The following PTPRM variants were observed in gnomAD, a reference collection of about 807,000 sequenced individuals.
PTPRM encodes the protein receptor-type tyrosine-protein phosphatase mu.
In PTPRM, 47 loss-of-function variants were observed where a neutral mutation model predicts 186.7. The ratio of observed to expected loss-of-function variants is 0.25; its 90% confidence interval spans 0.20 to 0.32. PTPRM has a LOEUF of 0.32. PTPRM is among the 10% of genes least tolerant of loss of function. The pLI is 1.00. For missense variants in PTPRM, 1,494 were observed against 1,865.0 expected (o/e 0.80, Z 3.66); for synonymous variants, 668 against 674.9 (o/e 0.99, Z 0.16).
At chr18:8,351,348 G>A (rs116078879) in intron 23 of PTPRM, among the ~76,000 whole-genome samples, 1,879 of 152,264 alleles carry the variant, frequency 0.012, 49 homozygotes, top group African/African-American at 0.043. Context: ...ACATCTCTGA[G>A]CCCCAGATTC....
rs1343938390 is a variant in PTPRM, at chr18:8,296,599, A to G, written c.2842+144A>G. 8.5e-6 allele frequency: 5 copies of G among 589,748 alleles called. No homozygotes were observed. The Admixed American group carries it at 1.1e-4, about 14-fold the overall frequency. The allele number at this position is 589,748 out of a possible 1,614,324, so 36.5% of individuals were successfully genotyped here. The stretch of plus-strand genomic sequence containing the variant: ...AACAGCTGGTGTTAACGCTCGTACT[A>G]AAGAAAGGAATAACTGTCTACCCCC... On this transcript the variant is annotated intron_variant, in intron 20 of 32. Coordinates refer to ENST00000580170, the MANE Select transcript of PTPRM (RefSeq NM_001105244.2).
At position 8,089,854 on chromosome 18, in the gene PTPRM, A is replaced by G. The variant is rs1275001545; in HGVS notation, c.1856+1003A>G. 2.0e-5 allele frequency among the ~76,000 whole-genome samples: 3 copies of G among 152,154 alleles called. No individual in the cohort carries two copies. In the East Asian group the frequency reaches 5.8e-4, roughly 29 times the overall value. On this transcript the variant is annotated intron_variant, in intron 11 of 32. Transcript: ENST00000580170. ...TCATAAAGTCATAAGTAAAACCAGA[A>G]TAGTATTAGTTTTTAGTGAAGTCAG...
At chr18:8,072,629 A>T (rs959504386) in intron 8 of PTPRM, among the ~76,000 whole-genome samples, 1 of 152,214 alleles carries the variant, frequency 6.6e-6, no homozygotes, top group Non-Finnish European at 1.5e-5. Context: ...TTATCCATCA[A>T]CAAAAGTTAT....
intron 7 of PTPRM, among the ~76,000 whole-genome samples, chr18:7,990,564 C>T (rs956242274): frequency 6.6e-6 from 1 of 151,848 alleles, no homozygotes; most frequent in African/African-American, 2.4e-5. Flanking sequence ...GGGTTAAAAG[C>T]CTCAAATGGG....
At chr18:7,773,115 T>G (rs886820410) in intron 1 of PTPRM, among the ~76,000 whole-genome samples, 1 of 151,110 alleles carries the variant, frequency 6.6e-6, no homozygotes, top group Non-Finnish European at 1.5e-5. Flanking sequence ...TATTCTTTGT[T>G]TTTTTTTTAA....
chr18:8,124,399 G>A (rs975295181), intron 13 of PTPRM, among the ~76,000 whole-genome samples: 1 of 152,136 alleles, frequency 6.6e-6, no homozygotes, highest in Non-Finnish European at 1.5e-5. Flanking sequence ...TTATTCATGA[G>A]TCATACTGCA....
intron 4 of PTPRM, among the ~76,000 whole-genome samples, chr18:7,914,460 A>G (rs1350065074): frequency 6.6e-6 from 1 of 152,138 alleles, no homozygotes; most frequent in African/African-American, 2.4e-5. Context: ...CTATCACAGG[A>G]ATTACTTGGC....
At chr18:8,367,315 C>G (rs1406488992) in intron 23 of PTPRM, among the ~76,000 whole-genome samples, 1 of 152,234 alleles carries the variant, frequency 6.6e-6, no homozygotes, top group African/African-American at 2.4e-5. Flanking sequence ...TGGGCCCGCC[C>G]CGCCAGGTGC....
chr18:8,259,435 G>A (rs562699915), intron 19 of PTPRM, among the ~76,000 whole-genome samples: 36 of 152,184 alleles, frequency 2.4e-4, no homozygotes, highest in African/African-American at 7.2e-4. Flanking sequence ...CTTTAAACAC[G>A]TCTGTCTCCT....
At position 8,319,138 on chromosome 18, in the gene PTPRM, A is replaced by G. The variant is rs1481289785; in HGVS notation, c.2920-40A>G. 2.2e-6 allele frequency: 3 copies of G among 1,391,624 alleles called. No homozygotes were observed. The South Asian group carries it at 3.7e-5, about 17-fold the overall frequency. 86.2% of individuals were successfully genotyped at this position (1,391,624 alleles called of 1,614,324 possible). Reference sequence around the variant, plus strand: ...CATGCGACTTATCTGCTGTTTATCGATTTTATGTTTATCAAATATTCTCTT... The same window carrying G: ...CATGCGACTTATCTGCTGTTTATCGGTTTTATGTTTATCAAATATTCTCTT... On this transcript the variant is annotated intron_variant, in intron 21 of 32. Transcript: ENST00000580170.
rs768326285 is a variant in PTPRM, at chr18:8,253,342, G to T, written c.2682G>T (p.Arg894=). The T allele has an allele frequency of 6.3e-7, 1 of 1,597,996 alleles. No individual in the cohort carries two copies. ...CTGGGCAGCTCCACCCCGCCATCCG[G>T]GTGGCAGACCTCCTTCAGCACATCA... The part of the protein sequence containing the change: ...YQTGQLHPAI[R]VADLLQHITQ... The change falls in exon 19 of 33, where the codon CGG becomes CGT. Residue 894 remains arginine, a synonymous_variant. Transcript: ENST00000580170.
At chr18:7,816,705 G>T (rs2044845800) in intron 2 of PTPRM, among the ~76,000 whole-genome samples, 1 of 151,846 alleles carries the variant, frequency 6.6e-6, no homozygotes, top group Admixed American at 6.5e-5. Flanking sequence ...CACTTTTATA[G>T]CTCACCCTTT....
At chr18:7,593,599 G>A (rs1390872662) in intron 1 of PTPRM, among the ~76,000 whole-genome samples, 3 of 152,170 alleles carry the variant, frequency 2.0e-5, no homozygotes, top group Non-Finnish European at 4.4e-5. Flanking sequence ...CTCCATTAAT[G>A]TCAAATTGCA....
chr18:7,847,315 T>C (rs1028726308), intron 2 of PTPRM, among the ~76,000 whole-genome samples: 6 of 151,776 alleles, frequency 4.0e-5, no homozygotes, highest in African/African-American at 1.5e-4. Flanking sequence ...TACAGGCATG[T>C]GCCACCACAC....
At chr18:8,064,337 T>C (rs560834627) in intron 7 of PTPRM, among the ~76,000 whole-genome samples, 1 of 151,994 alleles carries the variant, frequency 6.6e-6, no homozygotes, top group African/African-American at 2.4e-5. Context: ...TGTGTAGACT[T>C]TGGCATTGTT....
chr18:8,146,934 A>C (rs1451899702), intron 14 of PTPRM, among the ~76,000 whole-genome samples: 3 of 152,072 alleles, frequency 2.0e-5, no homozygotes, highest in Non-Finnish European at 4.4e-5. Context: ...TGTTTTTGTC[A>C]GGTTTGGCAA....
intron 1 of PTPRM, among the ~76,000 whole-genome samples, chr18:7,688,225 C>CT (rs1237723626): frequency 6.6e-6 from 1 of 152,094 alleles, no homozygotes; most frequent in Admixed American, 6.6e-5. Flanking sequence ...TTACATTGGG[C>CT]TTTTTGTGGC....
At chr18:8,067,691 A>C (rs985263527) in intron 7 of PTPRM, among the ~76,000 whole-genome samples, 2 of 152,214 alleles carry the variant, frequency 1.3e-5, no homozygotes, top group African/African-American at 4.8e-5. Context: ...TGATGGAGAA[A>C]ACAGACACAA....
rs564096663 is a variant in PTPRM, at chr18:7,570,086, A to G, written c.73+2195A>G. ...GGTTGCAGTGAGCTATGATTGCACC[A>G]CTGCACCCCAGCCTGGGTGACAGAG... is the stretch of plus-strand genomic sequence containing the variant. On this transcript the variant is annotated intron_variant, in intron 1 of 32. Coordinates refer to ENST00000580170, the MANE Select transcript of PTPRM (RefSeq NM_001105244.2). Among the ~76,000 whole-genome samples, 7 of 152,274 alleles carry G rather than the reference A, an allele frequency of 4.6e-5. No individual in the cohort carries two copies. In the South Asian group the frequency reaches 1.5e-3, roughly 32 times the overall value.
Sources: allele counts gnomAD v4.1 joint callset (sites outside exome capture counted in the v4.1 genomes callset), GRCh38; gene constraint gnomAD v4.1.1; transcripts MANE v1.5; gene names NCBI Gene and HGNC (gene_info 2026-07-23, HGNC 2026-07-21).